Variants in ZIC5 observed in about 807,000 individuals in gnomAD.
The protein encoded by ZIC5 is zinc finger protein ZIC 5.
ZIC5 carries 20 observed loss-of-function variants against 28.5 expected under a neutral mutation model. That is an observed-to-expected ratio of 0.70 (90% CI 0.49 to 1.02). The LOEUF (loss-of-function observed/expected upper bound fraction) is 1.02. ZIC5 is among the 50% of genes least tolerant of loss of function. The pLI, the probability that ZIC5 is intolerant of heterozygous loss-of-function variation, is 0.00. For missense variants in ZIC5, 951 were observed against 899.7 expected, an observed-to-expected ratio of 1.06 and a Z score of -0.73; for synonymous variants, 488 against 410.4, an observed-to-expected ratio of 1.19 and a Z score of -2.29.
In ZIC5 at chr13:99,970,652, C is replaced by A. The variant is rs1276332623; in HGVS notation, c.952G>T (p.Ala318Ser). Residue 318 changes from alanine (A) to serine (S), a missense_variant, in exon 1 of 2, where the codon GCA (alanine) becomes TCA (serine). Physicochemically the swap from Ala to Ser is moderately conservative, Grantham distance 99. Coordinates refer to ENST00000267294, the MANE Select transcript of ZIC5 (RefSeq NM_033132.5). ...TGGGGCCCGGGCCCGGCCGCTGCTGCGGCCGCCGCAGCCGCCAGGTTCAGG... is the reference window on the plus strand; with the variant it reads ...TGGGGCCCGGGCCCGGCCGCTGCTGAGGCCGCCGCAGCCGCCAGGTTCAGG... ...LNLNLAAAAA[A>S]AAAGPGPHLQ... is the part of the protein sequence containing the mutation. The A allele has an allele frequency of 1.7e-5, 19 of 1,143,582 alleles. No homozygotes were observed. The highest frequency in any genetic ancestry group is 8.5e-5 in the South Asian group (4 of 47,046). The allele number at this position is 1,143,582 out of a possible 1,614,324, so 70.8% of individuals were successfully genotyped here.
Position 99,965,528 on chromosome 13 carries a change from G to T in ZIC5, c.1769C>A (p.Ser590Tyr). The T allele has an allele frequency of 6.2e-7, 1 of 1,613,758 alleles. No homozygotes were observed. Among genetic ancestry groups the T allele is most frequent in the Non-Finnish European group, 8.5e-7 (1 of 1,179,848 alleles). The change falls in exon 2 of 2, where the codon TCC (serine) becomes TAC (tyrosine). Residue 590 changes from serine to tyrosine, a missense_variant. Ser to Tyr is a moderately radical substitution (Grantham distance 144). Transcript: ENST00000267294. The stretch of plus-strand genomic sequence containing the variant: ...CTCATTGAGGTTGGTCACCTGAGGG[G>T]ACAGAGTGCTGGAGTGACTCCTGGC... ...DPARSHSSTLSPQVTNLNEWY... is the reference protein window; with the variant it reads ...DPARSHSSTLYPQVTNLNEWY...
At position 99,965,632 on chromosome 13, in the gene ZIC5, C is replaced by T. The variant is rs749568107; in HGVS notation, c.1665G>A (p.Pro555=). Residue 555 remains proline (P), a synonymous_variant, in exon 2 of 2, where the codon CCG becomes CCA. Transcript: ENST00000267294. ...RKHMKIHCKS[P]PPSPGPLGYS... is the part of the protein sequence containing the mutation. ...AACCAAGGGGTCCTGGAGAAGGTGG[C>T]GGGGACTTGCAGTGAATCTTCATGT... The T allele has an allele frequency of 1.4e-5, 23 of 1,613,980 alleles. No homozygotes were observed. Among genetic ancestry groups the T allele is most frequent in the Non-Finnish European group, 1.4e-5 (16 of 1,180,012 alleles).
Position 99,965,211 on chromosome 13 carries a change from T to C in ZIC5, c.*166A>G. On this transcript the variant is annotated 3_prime_UTR_variant, in exon 2 of 2. Coordinates refer to ENST00000267294, the MANE Select transcript of ZIC5 (RefSeq NM_033132.5). Reference sequence around the variant, plus strand: ...AGCCCAAATATCTTAATTAAATTAATTAAATGTACAAACACCATAGGGTTT... The same window carrying C: ...AGCCCAAATATCTTAATTAAATTAACTAAATGTACAAACACCATAGGGTTT... 1 of 452,984 alleles carries C rather than the reference T, an allele frequency of 2.2e-6. No homozygotes were observed. The highest frequency in any genetic ancestry group is 2.1e-5 in the African/African-American group (1 of 47,924). 28.1% of individuals were successfully genotyped at this position (452,984 alleles called of 1,614,324 possible).
In ZIC5 at chr13:99,963,877, A is replaced by G. The variant is rs2053076194; in HGVS notation, c.*1500T>C. ...ATCAACCACTCACAGCACACAAAAC[A>G]AATTTCTACAAACCCTGGGGAGGGG... On this transcript the variant is annotated 3_prime_UTR_variant, in exon 2 of 2. Coordinates refer to ENST00000267294, the MANE Select transcript of ZIC5 (RefSeq NM_033132.5). 1 of 152,332 alleles carries G rather than the reference A, an allele frequency of 6.6e-6. No homozygotes were observed. The highest frequency in any genetic ancestry group is 2.4e-5 in the African/African-American group (1 of 41,460). 9.4% of individuals were successfully genotyped at this position (152,332 alleles called of 1,614,324 possible).
rs1255327324 is a variant in ZIC5 at position 99,963,072 on chromosome 13, C to T, written c.*2305G>A. The T allele has an allele frequency of 6.6e-6, 1 of 152,346 alleles. No individual in the cohort carries two copies. The allele number at this position is 152,346 out of a possible 1,614,324, so 9.4% of individuals were successfully genotyped here. A position where few individuals can be genotyped will look rare whatever the true frequency, so the allele number is the denominator to read the frequency against. On this transcript the variant is annotated 3_prime_UTR_variant, in exon 2 of 2. Coordinates refer to ENST00000267294, the MANE Select transcript of ZIC5 (RefSeq NM_033132.5). ...ATTTGTTACTTCATAATCATTCTTG[C>T]TTGCTCTCTATTGGAGGTACACATT...
chr13:99,970,784 C>T lies in ZIC5; in HGVS notation c.820G>A (p.Gly274Ser), dbSNP rs1390665317. 1.2e-5 allele frequency: 14 copies of T among 1,188,320 alleles called. No homozygotes were observed. Among genetic ancestry groups the T allele is most frequent in the East Asian group, 4.0e-5 (1 of 25,180 alleles). 73.6% of individuals were successfully genotyped at this position (1,188,320 alleles called of 1,614,324 possible). A position where few individuals can be genotyped will look rare whatever the true frequency, so the allele number is the denominator to read the frequency against. ...GGCGCGAAGGGCGGTTCGGCGCGGCCGTACAGCTCAGCCGCCGCGGCTGCC... is the reference window on the plus strand; with the variant it reads ...GGCGCGAAGGGCGGTTCGGCGCGGCTGTACAGCTCAGCCGCCGCGGCTGCC... ...AAAAAAAELY[G>S]RAEPPFAPRS... Residue 274 changes from glycine (G) to serine (S), a missense_variant, in exon 1 of 2, where the codon GGC becomes AGC. By Grantham distance (56) the Gly-to-Ser change is moderately conservative. Around this residue, in one of 3 missense-constraint regions of ZIC5, gnomAD observed 784 missense variants for 660.1 expected, o/e 1.19. Transcript: ENST00000267294.
At position 99,970,809 on chromosome 13, in the gene ZIC5, C is replaced by G; in HGVS notation, c.795G>C (p.Ala265=). ...CGTACAGCTCAGCCGCCGCGGCTGC[C>G]GCTGCCGCCGCCAGCCCCAGGCGCA... ...GQMRLGLAAA[A]AAAAAELYGR... is the part of the protein sequence containing the mutation. Residue 265 remains alanine, a synonymous_variant, in exon 1 of 2, where the codon GCG becomes GCC. Transcript: ENST00000267294. The G allele has an allele frequency of 5.0e-6, 6 of 1,206,894 alleles. No homozygotes were observed. The highest frequency in any genetic ancestry group is 5.1e-6 in the Non-Finnish European group (5 of 976,342). The allele number at this position is 1,206,894 out of a possible 1,614,324, so 74.8% of individuals were successfully genotyped here.
Position 99,970,812 on chromosome 13 carries a change from T to TGCCGCC in ZIC5, c.786_791dup (p.Ala269_Ala270dup), listed in dbSNP as rs1594284982. On this transcript the variant is annotated inframe_insertion, in exon 1 of 2. Coordinates refer to ENST00000267294, the MANE Select transcript of ZIC5 (RefSeq NM_033132.5). ...ACAGCTCAGCCGCCGCGGCTGCCGC[T>TGCCGCC]GCCGCCGCCAGCCCCAGGCGCATCT... 5.0e-6 allele frequency: 6 copies of TGCCGCC among 1,209,232 alleles called. No homozygotes were observed. Among genetic ancestry groups the TGCCGCC allele is most frequent in the Admixed American group, 4.5e-5 (1 of 22,166 alleles). 74.9% of individuals were successfully genotyped at this position (1,209,232 alleles called of 1,614,324 possible). A position where few individuals can be genotyped will look rare whatever the true frequency, so the allele number is the denominator to read the frequency against.
chr13:99,970,660 G>C lies in ZIC5; in HGVS notation c.944C>G (p.Ala315Gly). 1 of 1,148,668 alleles carries C rather than the reference G, an allele frequency of 8.7e-7. No individual in the cohort carries two copies. The highest frequency in any genetic ancestry group is 1.1e-6 in the Non-Finnish European group (1 of 927,946). 71.2% of individuals were successfully genotyped at this position (1,148,668 alleles called of 1,614,324 possible). Residue 315 changes from alanine to glycine, a missense_variant, in exon 1 of 2, where the codon GCG becomes GGG. Ala to Gly is a moderately conservative substitution (Grantham distance 60). Coordinates refer to ENST00000267294, the MANE Select transcript of ZIC5 (RefSeq NM_033132.5). ...AVNLNLNLAA[A>G]AAAAAAGPGP... Reference sequence around the variant, plus strand: ...GGGCCCGGCCGCTGCTGCGGCCGCCGCAGCCGCCAGGTTCAGGTTTAAGTT... The same window carrying C: ...GGGCCCGGCCGCTGCTGCGGCCGCCCCAGCCGCCAGGTTCAGGTTTAAGTT...
intron 1 of ZIC5, among the ~76,000 whole-genome samples, chr13:99,967,646 T>G (rs1246763953): frequency 6.6e-6 from 1 of 151,438 alleles, no homozygotes; most frequent in African/African-American, 2.4e-5. Context: ...ATATCCCGGG[T>G]TGTGAAGAAA....
At chr13:99,966,893 A>G (rs1358141137) in intron 1 of ZIC5, among the ~76,000 whole-genome samples, 1 of 152,196 alleles carries the variant, frequency 6.6e-6, no homozygotes, top group African/African-American at 2.4e-5. Flanking sequence ...GTCTAACTGA[A>G]TTTTCCCTCT....
intron 1 of ZIC5, among the ~76,000 whole-genome samples, chr13:99,968,190 G>A (rs1233274577): frequency 6.6e-6 from 1 of 152,008 alleles, no homozygotes; most frequent in African/African-American, 2.4e-5. Context: ...AGGGAAAGAA[G>A]TCCGGATGGG....
In ZIC5 at chr13:99,965,403, G is replaced by C. The variant is rs1319819952; in HGVS notation, c.1894C>G (p.Pro632Ala). The C allele has an allele frequency of 6.2e-7, 1 of 1,613,764 alleles. No individual in the cohort carries two copies. The highest frequency in any genetic ancestry group is 8.5e-7 in the Non-Finnish European group (1 of 1,179,988). ...ETEDEEIYGN[P>A]EVVRTIH The stretch of plus-strand genomic sequence containing the variant: ...TAATGTATCGTCCGCACAACTTCAG[G>C]GTTCCCGTAAATTTCCTCATCTTCA... The change falls in exon 2 of 2, where the codon CCT becomes GCT. Residue 632 changes from proline (P) to alanine (A), a missense_variant. Physicochemically the swap from Pro to Ala is conservative, Grantham distance 27. Around this residue, in one of 3 missense-constraint regions of ZIC5, gnomAD observed 108 missense variants for 118.4 expected, o/e 0.91. Coordinates refer to ENST00000267294, the MANE Select transcript of ZIC5 (RefSeq NM_033132.5).
chr13:99,965,007 ATATATATATATATG>A lies in ZIC5; in HGVS notation c.*356_*369del, dbSNP rs1242182707. On this transcript the variant is annotated 3_prime_UTR_variant, in exon 2 of 2. Transcript: ENST00000267294. ...TTTTCTCCCCCTTTTAAAAAAAATA[ATATATATATATATG>A]TATATATATATATATATATATATTG... 7.9e-6 allele frequency: 1 copy of A among 126,642 alleles called. No homozygotes were observed. Among genetic ancestry groups the A allele is most frequent in the Non-Finnish European group, 1.6e-5 (1 of 62,400 alleles). The allele number at this position is 126,642 out of a possible 1,614,324, so 7.8% of individuals were successfully genotyped here. A position where few individuals can be genotyped will look rare whatever the true frequency, so the allele number is the denominator to read the frequency against.
Position 99,964,605 on chromosome 13 carries a change from ACAAT to A in ZIC5, c.*768_*771del, listed in dbSNP as rs1221857619. ...TTTTCTTCTCTCCACTTTTGCTTGA[ACAAT>A]CACAGTAGCACAAGATATGGAGATA... On this transcript the variant is annotated 3_prime_UTR_variant, in exon 2 of 2. Coordinates refer to ENST00000267294, the MANE Select transcript of ZIC5 (RefSeq NM_033132.5). The A allele has an allele frequency of 6.6e-6, 1 of 152,600 alleles. No individual in the cohort carries two copies. The highest frequency in any genetic ancestry group is 1.5e-5 in the Non-Finnish European group (1 of 68,040). The allele number at this position is 152,600 out of a possible 1,614,324, so 9.5% of individuals were successfully genotyped here.
At chr13:99,969,503 A>G (rs1213621668) in intron 1 of ZIC5, among the ~76,000 whole-genome samples, 2 of 151,866 alleles carry the variant, frequency 1.3e-5, no homozygotes, top group African/African-American at 4.8e-5. Flanking sequence ...GTGTGCGTGA[A>G]GAGTGTGTCA....
intron 1 of ZIC5, among the ~76,000 whole-genome samples, chr13:99,968,578 C>G (rs1594283104): frequency 6.6e-6 from 1 of 152,148 alleles, no homozygotes; most frequent in East Asian, 2.0e-4. Context: ...GCTCCCCTCG[C>G]GAGGCCTGGG....
In ZIC5 at chr13:99,965,483, C is replaced by T; in HGVS notation, c.1814G>A (p.Ser605Asn). The T allele has an allele frequency of 6.2e-7, 1 of 1,614,018 alleles. No individual in the cohort carries two copies. The highest frequency in any genetic ancestry group is 2.2e-5 in the East Asian group (1 of 44,880). The change falls in exon 2 of 2, where the codon AGT becomes AAT. Residue 605 changes from serine (S) to asparagine (N), a missense_variant. Around this residue, in one of 3 missense-constraint regions of ZIC5, gnomAD observed 108 missense variants for 118.4 expected, o/e 0.91. Transcript: ENST00000267294. ...NLNEWYVCQA[S>N]GAPSHLHTPS... ...GGTGTGGAGGTGGCTGGGGGCCCCA[C>T]TGGCCTGGCAAACGTACCACTCATT...
rs2053086450 is a variant in ZIC5, at chr13:99,965,013, ATATATATG to A, written c.*356_*363del. 8.2e-6 allele frequency: 1 copy of A among 121,274 alleles called. No homozygotes were observed. Among genetic ancestry groups the A allele is most frequent in the Admixed American group, 7.8e-5 (1 of 12,800 alleles). 7.5% of individuals were successfully genotyped at this position (121,274 alleles called of 1,614,324 possible). ...CCCCCTTTTAAAAAAAATAATATAT[ATATATATG>A]TATATATATATATATATATATATTG... On this transcript the variant is annotated 3_prime_UTR_variant, in exon 2 of 2. Transcript: ENST00000267294.
Sources: allele counts gnomAD v4.1 joint callset (sites outside exome capture counted in the v4.1 genomes callset), GRCh38; gene constraint gnomAD v4.1.1; regional missense constraint gnomAD v4.1.1; transcripts MANE v1.5; gene names NCBI Gene and HGNC (gene_info 2026-07-23, HGNC 2026-07-21).